The following AUTS2 variants were observed in gnomAD, a reference collection of about 807,000 sequenced individuals.
AUTS2 encodes autism susceptibility gene 2 protein.
In AUTS2, 17 loss-of-function variants were observed where a neutral mutation model predicts 112.4. That is an observed-to-expected ratio of 0.15 (90% confidence interval 0.10 to 0.23). The LOEUF (loss-of-function observed/expected upper bound fraction) is 0.23. Among genes scored for constraint, AUTS2 ranks in the 10% least tolerant of loss-of-function variants. The pLI, the probability that AUTS2 is intolerant of heterozygous loss-of-function variation, is 1.00. For missense variants in AUTS2, 1,510 were observed against 1,701.6 expected (o/e 0.89, Z 1.98); for synonymous variants, 751 against 702.7 (o/e 1.07, Z -1.09).
chr7:70,645,568 C>T (rs1357361393), intron 5 of AUTS2, among the ~76,000 whole-genome samples: 2 of 152,074 alleles, frequency 1.3e-5, no homozygotes, highest in East Asian at 1.9e-4. Flanking sequence ...GTTTTCTGGC[C>T]GCTCTGTTCT....
chr7:69,703,874 G>A (rs1322589979), intron 1 of AUTS2, among the ~76,000 whole-genome samples: 2 of 152,202 alleles, frequency 1.3e-5, no homozygotes, highest in Non-Finnish European at 2.9e-5. Flanking sequence ...TAGAATATAA[G>A]TTAATTAAGC....
At chr7:70,682,147 A>C (rs1808243850) in intron 5 of AUTS2, among the ~76,000 whole-genome samples, 1 of 152,172 alleles carries the variant, frequency 6.6e-6, no homozygotes, top group Non-Finnish European at 1.5e-5. Context: ...AGCTTCTTTC[A>C]GTTTCTATTT....
intron 4 of AUTS2, among the ~76,000 whole-genome samples, chr7:70,277,301 T>A (rs1254696827): frequency 6.6e-6 from 1 of 152,130 alleles, no homozygotes; most frequent in African/African-American, 2.4e-5. Flanking sequence ...AAGGTGGTGA[T>A]ACACAGAAGG....
rs1807783502 is a variant in AUTS2, at chr7:70,674,044, C to G, written c.691-24525C>G. 2.0e-5 allele frequency among the ~76,000 whole-genome samples: 3 copies of G among 152,276 alleles called. No individual in the cohort carries two copies. In the East Asian group the frequency reaches 5.8e-4, roughly 30 times the overall value. On this transcript the variant is annotated intron_variant, in intron 5 of 18. Coordinates refer to ENST00000342771, the MANE Select transcript of AUTS2 (RefSeq NM_015570.4). The stretch of plus-strand genomic sequence containing the variant: ...AGGAGGGGATCTGAACCTGGTCTGC[C>G]TCACTCCAGAGCACATGCTCTTCCC...
chr7:70,605,546 CTTTTTTTT>C, intron 5 of AUTS2, among the ~76,000 whole-genome samples: 14 of 70,680 alleles, frequency 2.0e-4, no homozygotes, highest in Admixed American at 3.7e-4. Context: ...CCTTCTTTCT[CTTTTTTTT>C]TTTTTTTTTT....
intron 4 of AUTS2, among the ~76,000 whole-genome samples, chr7:70,226,271 T>C (rs749898746): frequency 1.2e-4 from 18 of 151,888 alleles, no homozygotes; most frequent in Non-Finnish European, 2.5e-4. Flanking sequence ...CACTGCAAGC[T>C]CCACCTCCCA....
At position 70,616,753 on chromosome 7, in the gene AUTS2, G is replaced by GTTT. The variant is rs67691820; in HGVS notation, c.691-81800_691-81798dup. On this transcript the variant is annotated intron_variant, in intron 5 of 18. Coordinates refer to ENST00000342771, the MANE Select transcript of AUTS2 (RefSeq NM_015570.4). Reference sequence around the variant, plus strand: ...TCTTCTCAAAATAGAGTGTCGAATAGTTTTTTTTTTTTTTTTTTGATTGGA... The same window carrying GTTT: ...TCTTCTCAAAATAGAGTGTCGAATAGTTTTTTTTTTTTTTTTTTTTTGATTGGA... 2.4e-3 allele frequency among the ~76,000 whole-genome samples: 311 copies of GTTT among 131,270 alleles called. 7 individuals are homozygous for GTTT. In the East Asian group the frequency reaches 0.045, roughly 19 times the overall value. 86.1% of individuals were successfully genotyped at this position (131,270 alleles called of 152,430 possible). A position where few individuals can be genotyped will look rare whatever the true frequency, so the allele number is the denominator to read the frequency against.
chr7:70,415,162 C>T (rs1794937664), intron 4 of AUTS2, among the ~76,000 whole-genome samples: 1 of 152,228 alleles, frequency 6.6e-6, no homozygotes, highest in Non-Finnish European at 1.5e-5. Flanking sequence ...TTTCTCTGGC[C>T]TTCGTAGGTC....
At chr7:69,657,810 CTCT>C (rs983497204) in intron 1 of AUTS2, among the ~76,000 whole-genome samples, 30 of 152,310 alleles carry the variant, frequency 2.0e-4, no homozygotes, top group Non-Finnish European at 3.1e-4. Context: ...GGGCATACTT[CTCT>C]TCTTAGCATT....
Position 69,762,463 on chromosome 7 carries a change from C to T in AUTS2, c.310-136823C>T, listed in dbSNP as rs569100205. Among the ~76,000 whole-genome samples, 13 of 151,982 alleles carry T rather than the reference C, an allele frequency of 8.6e-5. 1 individual carries two copies. In the South Asian group the frequency reaches 2.3e-3, roughly 27 times the overall value. ...CTGGGACCACAGGTATGTGCCACCA[C>T]GCCTGGCTAATTTTTTTGTGTTTTT... On this transcript the variant is annotated intron_variant, in intron 1 of 18. Coordinates refer to ENST00000342771, the MANE Select transcript of AUTS2 (RefSeq NM_015570.4).
intron 1 of AUTS2, among the ~76,000 whole-genome samples, chr7:69,740,519 A>G (rs1787217339): frequency 8.1e-6 from 1 of 122,790 alleles, no homozygotes; most frequent in African/African-American, 2.9e-5. Flanking sequence ...TAAATCAGAA[A>G]TGTCTTTTTT....
In AUTS2 at chr7:69,882,725, G is replaced by C. The variant is rs181159750; in HGVS notation, c.310-16561G>C. ...CCATTTTATATATGAGAAAACTGAAGCTTCACAGGGTATTGTAGTAATTAA... is the reference window on the plus strand; with the variant it reads ...CCATTTTATATATGAGAAAACTGAACCTTCACAGGGTATTGTAGTAATTAA... On this transcript the variant is annotated intron_variant, in intron 1 of 18. Transcript: ENST00000342771. Among the ~76,000 whole-genome samples the C allele has an allele frequency of 6.6e-5, 10 of 152,198 alleles. No individual in the cohort carries two copies. In the East Asian group the frequency reaches 1.9e-3, roughly 29 times the overall value.
At chr7:70,582,638 T>C (rs576188748) in intron 5 of AUTS2, among the ~76,000 whole-genome samples, 9 of 152,286 alleles carry the variant, frequency 5.9e-5, no homozygotes, top group African/African-American at 1.7e-4. Context: ...CTGCAAAGTG[T>C]GGGTAGAATG....
intron 5 of AUTS2, among the ~76,000 whole-genome samples, chr7:70,483,327 G>A (rs1797863997): frequency 6.6e-6 from 1 of 152,226 alleles, no homozygotes; most frequent in Non-Finnish European, 1.5e-5. Context: ...CTGCTAGGGT[G>A]AGGCAAGTGA....
intron 6 of AUTS2, among the ~76,000 whole-genome samples, chr7:70,728,601 G>A (rs957040107): frequency 7.2e-5 from 11 of 151,872 alleles, no homozygotes; most frequent in Middle Eastern, 3.4e-3. Flanking sequence ...CCAGCTACTT[G>A]GGAGGCTAAG....
intron 6 of AUTS2, among the ~76,000 whole-genome samples, chr7:70,746,233 G>T (rs537126054): frequency 1.3e-5 from 2 of 152,070 alleles, no homozygotes; most frequent in Admixed American, 1.3e-4. Flanking sequence ...TGCCACTTCC[G>T]CCTCCCGGTT....
At chr7:70,324,826 G>T (rs1158876594) in intron 4 of AUTS2, among the ~76,000 whole-genome samples, 5 of 152,226 alleles carry the variant, frequency 3.3e-5, no homozygotes, top group Non-Finnish European at 7.3e-5. Flanking sequence ...ACTTATTGCA[G>T]TTGCTATGTG....
intron 1 of AUTS2, among the ~76,000 whole-genome samples, chr7:69,747,475 A>G (rs575399400): frequency 1.3e-5 from 2 of 152,194 alleles, no homozygotes; most frequent in East Asian, 3.8e-4. Context: ...TAAAATATGA[A>G]TAATTTGCTG....
intron 6 of AUTS2, among the ~76,000 whole-genome samples, chr7:70,702,831 C>A (rs1232433726): frequency 6.6e-6 from 1 of 152,206 alleles, no homozygotes; most frequent in African/African-American, 2.4e-5. Flanking sequence ...CTCCCGGGCC[C>A]TACCAGGCCT....
Sources: allele counts gnomAD v4.1 joint callset (sites outside exome capture counted in the v4.1 genomes callset), GRCh38; gene constraint gnomAD v4.1.1; transcripts MANE v1.5; gene names NCBI Gene and HGNC (gene_info 2026-07-23, HGNC 2026-07-21).